The following CATSPERE variants were observed in gnomAD, a reference collection of about 807,000 sequenced individuals.
CATSPERE encodes catsper channel auxiliary subunit epsilon.
A neutral mutation model predicts 114.1 loss-of-function variants in CATSPERE; 93 were observed. The observed-to-expected ratio is 0.81, with a 90% CI of 0.69 to 0.97. CATSPERE has a LOEUF of 0.97. Ranked by LOEUF, CATSPERE falls within the 50% of genes least tolerant of loss-of-function variation. CATSPERE has a pLI of 0.00. For missense variants in CATSPERE, 1,058 were observed against 1,131.6 expected, an observed-to-expected ratio of 0.93 and a Z score of 0.93; for synonymous variants, 341 against 384.1, an observed-to-expected ratio of 0.89 and a Z score of 1.31.
At chr1:244,496,410 A>G (rs1673094980) in intron 6 of CATSPERE, among the ~76,000 whole-genome samples, 1 of 152,216 alleles carries the variant, frequency 6.6e-6, no homozygotes, top group Non-Finnish European at 1.5e-5. Context: ...AAACTGGCCA[A>G]TGATGGATGG....
At position 244,526,211 on chromosome 1, in the gene CATSPERE, A is replaced by G. The variant is rs377274987; in HGVS notation, c.536+7513A>G. ...CTGCCTGAGCTCAGGAGTTAAGACC[A>G]GCATGGGCAATATGACAAAACCCTG... On this transcript the variant is annotated intron_variant, in intron 8 of 21. Coordinates refer to ENST00000366534, the MANE Select transcript of CATSPERE (RefSeq NM_001130957.2). Among the ~76,000 whole-genome samples, 4 of 152,254 alleles carry G rather than the reference A, an allele frequency of 2.6e-5. No homozygotes were observed. The East Asian group carries it at 5.8e-4, about 22-fold the overall frequency.
At chr1:244,626,481 A>T (rs1425135931) in intron 20 of CATSPERE, among the ~76,000 whole-genome samples, 1 of 78,186 alleles carries the variant, frequency 1.3e-5, no homozygotes, top group African/African-American at 5.4e-5. Context: ...GCAAAATTCC[A>T]TCTCAAAAAA....
At chr1:244,596,383 C>T (rs896378804) in intron 17 of CATSPERE, among the ~76,000 whole-genome samples, 1 of 152,190 alleles carries the variant, frequency 6.6e-6, no homozygotes, top group African/African-American at 2.4e-5. Flanking sequence ...TACAGAGCAG[C>T]CATTCTGCTG....
chr1:244,543,073 A>G (rs1310566950), intron 8 of CATSPERE, among the ~76,000 whole-genome samples: 1 of 152,190 alleles, frequency 6.6e-6, no homozygotes, highest in Non-Finnish European at 1.5e-5. Flanking sequence ...CAAAAAACTC[A>G]AAATAGAATT....
chr1:244,455,152 T>C (rs926175370), intron 1 of CATSPERE, among the ~76,000 whole-genome samples: 19 of 152,212 alleles, frequency 1.2e-4, no homozygotes, highest in African/African-American at 4.1e-4. Context: ...AGCTAAGGTT[T>C]TGCCTCTTGA....
In CATSPERE at chr1:244,480,464, C is replaced by G. The variant is rs147608528; in HGVS notation, c.326+680C>G. On this transcript the variant is annotated intron_variant, in intron 5 of 21. Transcript: ENST00000366534. Reference sequence around the variant, plus strand: ...TTTGTATCCACTTCACGTTTATTCCCTTGGGGAAACTATTCCTCCGTATTC... The same window carrying G: ...TTTGTATCCACTTCACGTTTATTCCGTTGGGGAAACTATTCCTCCGTATTC... Among the ~76,000 whole-genome samples the G allele has an allele frequency of 4.9e-3, 752 of 152,256 alleles. 3 individuals are homozygous for G. The highest frequency in any genetic ancestry group is 7.9e-3 in the Non-Finnish European group (534 of 68,008).
intron 8 of CATSPERE, among the ~76,000 whole-genome samples, chr1:244,526,667 T>A (rs553300588): frequency 0.017 from 2,380 of 140,256 alleles, 43 homozygotes; most frequent in South Asian, 0.063. Context: ...TTTTTTTTTT[T>A]AGACAGGTTC....
Position 244,499,014 on chromosome 1 carries a change from T to C in CATSPERE, c.364T>C (p.Trp122Arg). The part of the protein sequence containing the change: ...FNNFTQLITV[W>R]AYDPESADPD... ...TTTTATTTTCTAGCTTATCACTGTG[T>C]GGGCATATGATCCAGAAAGTGCAGA... The change falls in exon 7 of 22, where the codon TGG becomes CGG. Residue 122 changes from tryptophan (W) to arginine (R), a missense_variant. This residue lies in a region of CATSPERE where 271 missense variants were observed against 225.9 expected (regional missense o/e 1.20). Coordinates refer to ENST00000366534, the MANE Select transcript of CATSPERE (RefSeq NM_001130957.2). 6.2e-7 allele frequency: 1 copy of C among 1,612,364 alleles called. No individual in the cohort carries two copies. The highest frequency in any genetic ancestry group is 8.5e-7 in the Non-Finnish European group (1 of 1,178,528).
At chr1:244,588,772 T>TC (rs1247029522) in intron 14 of CATSPERE, among the ~76,000 whole-genome samples, 2 of 152,242 alleles carry the variant, frequency 1.3e-5, no homozygotes, top group Non-Finnish European at 2.9e-5. Context: ...TAGCATTTTT[T>TC]CTCTACCTTC....
intron 19 of CATSPERE, among the ~76,000 whole-genome samples, chr1:244,615,079 GC>G (rs1032334304): frequency 1.3e-5 from 2 of 151,832 alleles, no homozygotes. Flanking sequence ...TGGTAGAGCT[GC>G]CCCGCCACCA....
intron 8 of CATSPERE, among the ~76,000 whole-genome samples, chr1:244,546,725 G>A (rs575785843): frequency 6.6e-5 from 10 of 152,240 alleles, no homozygotes; most frequent in South Asian, 2.1e-4. Context: ...TCAACAGCCA[G>A]TTGATCAAGG....
chr1:244,515,688 C>A (rs3006041), intron 7 of CATSPERE, among the ~76,000 whole-genome samples: 3 of 152,040 alleles, frequency 2.0e-5, no homozygotes, highest in Non-Finnish European at 4.4e-5. Flanking sequence ...ATGTTTCAAA[C>A]GGGAAGATTC....
rs767659349 is a variant in CATSPERE, at chr1:244,552,591, G to A, written c.806G>A (p.Trp269Ter). The A allele has an allele frequency of 6.2e-7, 1 of 1,614,028 alleles. No homozygotes were observed. Among genetic ancestry groups the A allele is most frequent in the Non-Finnish European group, 8.5e-7 (1 of 1,180,030 alleles). Residue 269 changes from tryptophan to a stop codon, truncating the protein, a stop_gained, in exon 9 of 22, where the codon TGG (tryptophan) becomes TAG (stop). Transcript: ENST00000366534. LOFTEE classifies it high-confidence loss of function. Reference sequence around the variant, plus strand: ...CACACAACTGATTCATTCAAATCTTGGACCAGAATCAGAGTGCCTCCAGAC... The same window carrying A: ...CACACAACTGATTCATTCAAATCTTAGACCAGAATCAGAGTGCCTCCAGAC... Reference protein sequence around the residue: ...TFHTTDSFKSWTRIRVPPDIL... With the variant: ...TFHTTDSFKS
In CATSPERE at chr1:244,639,262, T is replaced by G. The variant is rs144562402; in HGVS notation, c.2703-666T>G. ...CACTGTTCCCACCTTGGTCTATTCC[T>G]CCACTCTTAGGCATTTTTATCTAGC... On this transcript the variant is annotated intron_variant, in intron 21 of 21. Transcript: ENST00000366534. 8.0e-3 allele frequency among the ~76,000 whole-genome samples: 1,223 copies of G among 152,306 alleles called. 4 individuals are homozygous for G. The highest frequency in any genetic ancestry group is 0.037 in the Middle Eastern group (11 of 294).
chr1:244,542,157 A>T (rs1209666405), intron 8 of CATSPERE, among the ~76,000 whole-genome samples: 4 of 149,608 alleles, frequency 2.7e-5, no homozygotes, highest in African/African-American at 9.9e-5. Context: ...TAAAGTATAA[A>T]AAAAAAAAAA....
intron 20 of CATSPERE, among the ~76,000 whole-genome samples, chr1:244,620,913 T>C (rs926728679): frequency 7.4e-5 from 11 of 148,384 alleles, no homozygotes; most frequent in Non-Finnish European, 1.3e-4. Context: ...GAGACAGAGA[T>C]TAGATCAGAG....
At position 244,561,050 on chromosome 1, in the gene CATSPERE, A is replaced by C; in HGVS notation, c.1412A>C (p.His471Pro). 4 of 1,612,816 alleles carry C rather than the reference A, an allele frequency of 2.5e-6. No individual in the cohort carries two copies. Among genetic ancestry groups the C allele is most frequent in the Non-Finnish European group, 2.5e-6 (3 of 1,178,974 alleles). ...WNKHSIYYCY[H>P]NFTFTGILQT... ...AAGCATAGTATCTACTATTGTTACC[A>C]TAATTTCACCTTTACTGGGATTTTA... Residue 471 changes from histidine to proline, a missense_variant, in exon 10 of 22, where the codon CAT becomes CCT. Physicochemically the swap from His to Pro is moderately conservative, Grantham distance 77. Around this residue, in one of 2 missense-constraint regions of CATSPERE, gnomAD observed 787 missense variants for 905.6 expected, o/e 0.87. Transcript: ENST00000366534.
intron 15 of CATSPERE, among the ~76,000 whole-genome samples, chr1:244,592,015 A>G (rs560823557): frequency 2.6e-4 from 25 of 96,248 alleles, no homozygotes; most frequent in South Asian, 6.8e-4. Flanking sequence ...TAAGGAAGAC[A>G]TACAAGAATT....
intron 17 of CATSPERE, among the ~76,000 whole-genome samples, chr1:244,599,825 G>A (rs1668945256): frequency 3.9e-5 from 6 of 152,134 alleles, no homozygotes; most frequent in African/African-American, 1.4e-4. Context: ...ACTGCAGGGG[G>A]TTTGCAAAAT....
Sources: allele counts gnomAD v4.1 joint callset (sites outside exome capture counted in the v4.1 genomes callset), GRCh38; gene constraint gnomAD v4.1.1; regional missense constraint gnomAD v4.1.1; transcripts MANE v1.5; gene names NCBI Gene and HGNC (gene_info 2026-07-23, HGNC 2026-07-21).